AP3S1: variants seen among roughly 807,000 people sequenced by gnomAD.
AP3S1 encodes AP-3 complex subunit sigma-1.
Under a neutral mutation model 21.3 loss-of-function variants are expected in AP3S1, and 12 were observed. That is an observed-to-expected ratio of 0.56 (90% CI 0.36 to 0.91). The LOEUF (loss-of-function observed/expected upper bound fraction) is 0.91. AP3S1 is among the 40% of genes least tolerant of loss of function. The pLI is 0.01. For synonymous variants in AP3S1, 48 were observed against 78.4 expected, an observed-to-expected ratio of 0.61 and a Z score of 2.05; for missense variants, 116 against 225.0, an observed-to-expected ratio of 0.52 and a Z score of 3.10.
chr5:115,888,658 T>C (rs1248426020), intron 3 of AP3S1, among the ~76,000 whole-genome samples: 1 of 152,116 alleles, frequency 6.6e-6, no homozygotes, highest in Non-Finnish European at 1.5e-5. Flanking sequence ...TGTTCTGGAT[T>C]AAATGTGGAC....
chr5:115,855,330 T>G (rs1258550577), intron 1 of AP3S1, among the ~76,000 whole-genome samples: 1 of 150,532 alleles, frequency 6.6e-6, no homozygotes, highest in Admixed American at 6.6e-5. Context: ...TGAGCCACCG[T>G]GCCTAGTCCT....
chr5:115,846,915 G>A (rs1348639859), intron 1 of AP3S1, among the ~76,000 whole-genome samples: 4 of 152,178 alleles, frequency 2.6e-5, no homozygotes, highest in Admixed American at 6.5e-5. Context: ...AAAGAACTAT[G>A]TTAGGTACAT....
intron 3 of AP3S1, among the ~76,000 whole-genome samples, chr5:115,879,441 A>T (rs1749068941): frequency 6.6e-6 from 1 of 152,192 alleles, no homozygotes; most frequent in South Asian, 2.1e-4. Flanking sequence ...CCTTTTCTGC[A>T]TCTATTGAAA....
chr5:115,900,105 A>G (rs2112562772), intron 4 of AP3S1, among the ~76,000 whole-genome samples: 1 of 152,310 alleles, frequency 6.6e-6, no homozygotes, highest in Non-Finnish European at 1.5e-5. Flanking sequence ...TCAATACACT[A>G]AAAGTGCACA....
At chr5:115,872,447 A>G (rs1247156071) in intron 3 of AP3S1, among the ~76,000 whole-genome samples, 1 of 152,210 alleles carries the variant, frequency 6.6e-6, no homozygotes, top group East Asian at 1.9e-4. Context: ...ATCATGGCAC[A>G]TATTCCTGGT....
intron 1 of AP3S1, among the ~76,000 whole-genome samples, chr5:115,862,893 A>T (rs1763306277): frequency 6.6e-6 from 1 of 152,224 alleles, no homozygotes. Context: ...ATTGCTTGTT[A>T]TGTACCTTAG....
chr5:115,882,842 G>A (rs934997463), intron 3 of AP3S1, among the ~76,000 whole-genome samples: 1 of 152,212 alleles, frequency 6.6e-6, no homozygotes, highest in African/African-American at 2.4e-5. Flanking sequence ...GGAGATGGGA[G>A]TTTTATCTAT....
chr5:115,895,091 T>A lies in AP3S1; in HGVS notation c.278T>A (p.Phe93Tyr), dbSNP rs1485896534. 5.0e-6 allele frequency: 8 copies of A among 1,599,294 alleles called. No individual in the cohort carries two copies. Among genetic ancestry groups the A allele is most frequent in the Admixed American group, 3.4e-5 (2 of 58,858 alleles). The change falls in exon 4 of 6, where the codon TTT becomes TAT. Residue 93 changes from phenylalanine to tyrosine, a missense_variant. By Grantham distance (22) the Phe-to-Tyr change is conservative. Around this residue, in one of 3 missense-constraint regions of AP3S1, gnomAD observed 65 missense variants for 148.2 expected, o/e 0.44. Coordinates refer to ENST00000316788, the MANE Select transcript of AP3S1 (RefSeq NM_001284.4). ...ACCTTTTTTCTTTTTCCATAGGTAT[T>A]TGTGGAAACATTAGACAAATGTTTT... Reference protein sequence around the residue: ...ELGILDLIQVFVETLDKCFEN... With the variant: ...ELGILDLIQVYVETLDKCFEN...
intron 1 of AP3S1, among the ~76,000 whole-genome samples, chr5:115,846,725 CTG>C (rs1762091431): frequency 1.3e-5 from 2 of 152,092 alleles, no homozygotes; most frequent in Admixed American, 1.3e-4. Flanking sequence ...AAACTTATGT[CTG>C]TGATCAAGAT....
intron 3 of AP3S1, among the ~76,000 whole-genome samples, chr5:115,877,196 T>A (rs550116550): frequency 7.2e-5 from 11 of 152,078 alleles, no homozygotes; most frequent in Non-Finnish European, 5.9e-5. Flanking sequence ...ATATATATAT[T>A]TTTATTGTAC....
At position 115,844,141 on chromosome 5, in the gene AP3S1, T is replaced by C. The variant is rs1334021805; in HGVS notation, c.69+2035T>C. Among the ~76,000 whole-genome samples, 3 of 152,368 alleles carry C rather than the reference T, an allele frequency of 2.0e-5. No individual in the cohort carries two copies. The East Asian group carries it at 5.8e-4, about 29-fold the overall frequency. Reference sequence around the variant, plus strand: ...TAAGATTATTTATTTATACATTTGCTTCCTCCACTAGACCATAACCTTTTT... The same window carrying C: ...TAAGATTATTTATTTATACATTTGCCTCCTCCACTAGACCATAACCTTTTT... On this transcript the variant is annotated intron_variant, in intron 1 of 5. Transcript: ENST00000316788.
intron 3 of AP3S1, among the ~76,000 whole-genome samples, chr5:115,888,406 T>A (rs530954297): frequency 2.1e-4 from 32 of 152,218 alleles, no homozygotes; most frequent in Non-Finnish European, 4.0e-4. Context: ...ATGTAACAGA[T>A]CATCAGTGTG....
At position 115,907,213 on chromosome 5, in the gene AP3S1, A is replaced by G. The variant is rs201582206; in HGVS notation, c.453+4221A>G. Among the ~76,000 whole-genome samples the G allele has an allele frequency of 1.1e-4, 16 of 152,340 alleles. No individual in the cohort carries two copies. The East Asian group carries it at 2.9e-3, about 28-fold the overall frequency. On this transcript the variant is annotated intron_variant, in intron 5 of 5. Transcript: ENST00000316788. Reference sequence around the variant, plus strand: ...ACGTAAAATTTATTTTGAGCATCATATAGCAGAACCAATCTTAATTTAACT... The same window carrying G: ...ACGTAAAATTTATTTTGAGCATCATGTAGCAGAACCAATCTTAATTTAACT...
Position 115,841,974 on chromosome 5 carries a change from G to C in AP3S1, c.-64G>C. 6.6e-7 allele frequency: 1 copy of C among 1,520,090 alleles called. No homozygotes were observed. The highest frequency in any genetic ancestry group is 8.9e-7 in the Non-Finnish European group (1 of 1,127,398). 94.2% of individuals were successfully genotyped at this position (1,520,090 alleles called of 1,614,324 possible). A position where few individuals can be genotyped will look rare whatever the true frequency, so the allele number is the denominator to read the frequency against. On this transcript the variant is annotated 5_prime_UTR_variant, in exon 1 of 6. Coordinates refer to ENST00000316788, the MANE Select transcript of AP3S1 (RefSeq NM_001284.4). ...GAAGGATCGCAGGCGAGATTACGAG[G>C]CGAGGCTCGCGCGCCCGCCCCCGCC...
At chr5:115,843,671 C>A (rs1761831495) in intron 1 of AP3S1, among the ~76,000 whole-genome samples, 1 of 152,108 alleles carries the variant, frequency 6.6e-6, no homozygotes, top group African/African-American at 2.4e-5. Context: ...AATAGTAAAA[C>A]AATTCAAAAA....
rs138150030 is a variant in AP3S1 at position 115,900,841 on chromosome 5, A to G, written c.346-2044A>G. Among the ~76,000 whole-genome samples the G allele has an allele frequency of 7.1e-3, 1,083 of 152,302 alleles. 10 individuals carry two copies. The highest frequency in any genetic ancestry group is 0.023 in the African/African-American group (962 of 41,558). On this transcript the variant is annotated intron_variant, in intron 4 of 5. Transcript: ENST00000316788. ...CGCACAGCTGTTTCTGGATCTTGAT[A>G]TGATATTAAAAATCATTGACCACTT...
At chr5:115,861,245 T>C (rs1763158061) in intron 1 of AP3S1, among the ~76,000 whole-genome samples, 1 of 152,170 alleles carries the variant, frequency 6.6e-6, no homozygotes. Flanking sequence ...GAATGGAGTG[T>C]GGAAGTTGTT....
At chr5:115,853,130 AC>A in intron 1 of AP3S1, 1 of 359,884 alleles carries the variant, frequency 2.8e-6, no homozygotes, top group Admixed American at 3.3e-5. Flanking sequence ...ATCCTAACCA[AC>A]TCTTGTTATT....
chr5:115,856,071 T>G (rs1472744104), intron 1 of AP3S1, among the ~76,000 whole-genome samples: 1 of 152,218 alleles, frequency 6.6e-6, no homozygotes, highest in Non-Finnish European at 1.5e-5. Flanking sequence ...GTAACTGTAG[T>G]TGTCTTTAGA....
Sources: allele counts gnomAD v4.1 joint callset (sites outside exome capture counted in the v4.1 genomes callset), GRCh38; gene constraint gnomAD v4.1.1; regional missense constraint gnomAD v4.1.1; transcripts MANE v1.5; gene names NCBI Gene and HGNC (gene_info 2026-07-23, HGNC 2026-07-21).